PLEKHG1: variants seen among roughly 807,000 people sequenced by gnomAD.
PLEKHG1 encodes pleckstrin homology and RhoGEF domain containing G1.
A neutral mutation model predicts 100.8 loss-of-function variants in PLEKHG1; 44 were observed. The ratio of observed to expected loss-of-function variants is 0.44; its 90% confidence interval spans 0.34 to 0.56. The LOEUF is 0.56. Ranked by LOEUF, PLEKHG1 falls within the 20% of genes least tolerant of loss-of-function variation. PLEKHG1 has a pLI of 0.01. For missense variants in PLEKHG1, 1,545 were observed against 1,720.9 expected (o/e 0.90, Z 1.81); for synonymous variants, 640 against 662.5 (o/e 0.97, Z 0.52).
chr6:150,804,167 A>AT, intron 6 of PLEKHG1, among the ~76,000 whole-genome samples: 1 of 36,744 alleles, frequency 2.7e-5, no homozygotes, highest in African/African-American at 7.7e-5. Context: ...ATATATATAT[A>AT]TATATATATT....
chr6:150,671,088 C>CATATATATATATATATATATATATAT (rs10566696), intron 3 of PLEKHG1, among the ~76,000 whole-genome samples: 12 of 147,422 alleles, frequency 8.1e-5, no homozygotes, highest in African/African-American at 2.7e-4. Flanking sequence ...AGTATTCCAT[C>CATATATATATATATATATATATATAT]ATATATATAT....
chr6:150,791,690 A>T (rs1403920383), intron 4 of PLEKHG1, among the ~76,000 whole-genome samples: 1 of 151,722 alleles, frequency 6.6e-6, no homozygotes, highest in African/African-American at 2.4e-5. Flanking sequence ...AAAAAAAAAA[A>T]AAGAGGCTTC....
rs1298907384 is a variant in PLEKHG1 at position 150,737,281 on chromosome 6, A to ATTCCTTTT, written c.411+3191_411+3192insCCTTTTTT. ...CCCAATAAAAGGCTGTCATATGGGTATTTTTTTTTTTTTTTTTTTTTGAGA... is the reference window on the plus strand; with the variant it reads ...CCCAATAAAAGGCTGTCATATGGGTATTCCTTTTTTTTTTTTTTTTTTTTTTTTTGAGA... On this transcript the variant is annotated intron_variant, in intron 2 of 15. Transcript: ENST00000358517. Among the ~76,000 whole-genome samples the ATTCCTTTT allele has an allele frequency of 3.7e-3, 437 of 116,968 alleles. 2 individuals are homozygous for ATTCCTTTT. The highest frequency in any genetic ancestry group is 0.013 in the African/African-American group (411 of 31,410). The allele number at this position is 116,968 out of a possible 152,430, so 76.7% of individuals were successfully genotyped here.
rs116988426 is a variant in PLEKHG1 at position 150,775,696 on chromosome 6, G to A, written c.512+6958G>A. On this transcript the variant is annotated intron_variant, in intron 3 of 15. Coordinates refer to ENST00000358517, the Ensembl canonical transcript of PLEKHG1. ...AGACAAAAGAAATTCTTTGGGCCAC[G>A]CTTTTTCTTCTCCTTGCAATGTAAT... Among the ~76,000 whole-genome samples, 492 of 152,288 alleles carry A rather than the reference G, an allele frequency of 3.2e-3. 1 individual carries two copies. The highest frequency in any genetic ancestry group is 5.1e-3 in the Non-Finnish European group (348 of 68,022).
intron 1 of PLEKHG1, among the ~76,000 whole-genome samples, chr6:150,636,846 C>A (rs1778026272): frequency 6.6e-6 from 1 of 152,192 alleles, no homozygotes; most frequent in Non-Finnish European, 1.5e-5. Context: ...ACAGTCACTG[C>A]TAACAGTTGC....
exon 16 of PLEKHG1, chr6:150,843,165 T>C (rs1777607995): frequency 6.6e-6 from 1 of 152,252 alleles, no homozygotes; most frequent in Admixed American, 6.5e-5. Context: ...TCTGTCTGAC[T>C]CTCAGAAATT....
chr6:150,700,975 A>C (rs9480542), intron 3 of PLEKHG1, among the ~76,000 whole-genome samples: 13,395 of 150,240 alleles, frequency 0.089, 1,752 homozygotes, highest in African/African-American at 0.3. Context: ...GTTATATATT[A>C]AAAATGTTCT....
chr6:150,612,693 C>A (rs538160057), intron 1 of PLEKHG1, among the ~76,000 whole-genome samples: 8 of 152,250 alleles, frequency 5.3e-5, no homozygotes, highest in East Asian at 3.9e-4. Context: ...GGTGAGGGTG[C>A]AATTTAAGGC....
intron 2 of PLEKHG1, among the ~76,000 whole-genome samples, chr6:150,753,771 A>G (rs535490398): frequency 6.6e-6 from 1 of 152,226 alleles, no homozygotes; most frequent in Non-Finnish European, 1.5e-5. Flanking sequence ...TGTCATCTTC[A>G]AGAGGTGGTG....
chr6:150,831,529 T>C lies in PLEKHG1; in HGVS notation c.2418T>C (p.His806=). 6.2e-7 allele frequency: 1 copy of C among 1,614,166 alleles called. No individual in the cohort carries two copies. The highest frequency in any genetic ancestry group is 1.1e-5 in the South Asian group (1 of 91,084). Residue 806 remains histidine (H), a synonymous_variant, in exon 15 of 16, where the codon CAT becomes CAC. Transcript: ENST00000358517. This position sits in a 1 kb window ranked among gnomAD's most constrained non-coding sequence, Gnocchi z 4.1. Reference sequence around the variant, plus strand: ...CTTACCATCAGGCCACTCCCGATCATGGTTATCTGAGTTTGCTGTATGACT... The same window carrying C: ...CTTACCATCAGGCCACTCCCGATCACGGTTATCTGAGTTTGCTGTATGACT...
intron 3 of PLEKHG1, chr6:150,664,450 T>C (rs568222534): frequency 6.6e-6 from 1 of 152,306 alleles, no homozygotes; most frequent in Non-Finnish European, 1.5e-5. Flanking sequence ...AAATGCTGGG[T>C]AAGAAACCAA....
intron 3 of PLEKHG1, among the ~76,000 whole-genome samples, chr6:150,672,026 T>G (rs1232186516): frequency 6.6e-6 from 1 of 151,976 alleles, no homozygotes; most frequent in Non-Finnish European, 1.5e-5. Flanking sequence ...AGTGGGGTGG[T>G]AAAGAGATGA....
intron 1 of PLEKHG1, chr6:150,625,665 T>C (rs1777478934): frequency 6.6e-6 from 1 of 152,106 alleles, no homozygotes; most frequent in Non-Finnish European, 1.5e-5. Flanking sequence ...GCTAATTTTT[T>C]GTATTTTTAG....
chr6:150,797,841 A>C (rs1786442730), intron 5 of PLEKHG1, among the ~76,000 whole-genome samples: 2 of 63,028 alleles, frequency 3.2e-5, no homozygotes, highest in East Asian at 1.3e-3. Flanking sequence ...TCTCAAAAAA[A>C]AAAAAAAAAA....
In PLEKHG1 at chr6:150,818,465, T is replaced by C. The variant is rs1776112998; in HGVS notation, c.1312+249T>C. The stretch of plus-strand genomic sequence containing the variant: ...TTGGGGTTTCTGCATCAACTAACAA[T>C]GTCAGTTATGTCTCCAGGGTCAACT... On this transcript the variant is annotated intron_variant, in intron 11 of 15. Coordinates refer to ENST00000358517, the Ensembl canonical transcript of PLEKHG1. Among the ~76,000 whole-genome samples, 3 of 152,314 alleles carry C rather than the reference T, an allele frequency of 2.0e-5. No individual in the cohort carries two copies. In the South Asian group the frequency reaches 6.2e-4, roughly 32 times the overall value.
chr6:150,804,639 A>C, exon 7 of PLEKHG1: 1 of 1,611,818 alleles, frequency 6.2e-7, no homozygotes, highest in Non-Finnish European at 8.5e-7. Context: ...ATAAGGACAC[A>C]GAAGGCTATG....
rs902203040 is a variant in PLEKHG1 at position 150,600,385 on chromosome 6, G to A, written c.-204+368G>A. Among the ~76,000 whole-genome samples, 1 of 152,120 alleles carries A rather than the reference G, an allele frequency of 6.6e-6. No individual in the cohort carries two copies. Among genetic ancestry groups the A allele is most frequent in the African/African-American group, 2.4e-5 (1 of 41,444 alleles). On this transcript the variant is annotated intron_variant, in intron 1 of 3. Coordinates refer to the PLEKHG1 transcript ENST00000367326. The surrounding 1 kb of genome is among the most constrained non-coding windows in gnomAD (Gnocchi z 6.2). ...AGCGGCTGCAACATCAGCGCGCAGA[G>A]GAGTTTCTGCGAGCACCCGGGAGTT...
At chr6:150,817,321 A>T (rs1583189219) in intron 10 of PLEKHG1, among the ~76,000 whole-genome samples, 1 of 152,268 alleles carries the variant, frequency 6.6e-6, no homozygotes, top group East Asian at 1.9e-4. Context: ...GGGCACACAG[A>T]AGAGATGGGA....
At chr6:150,708,724 AT>A (rs1171206078) in intron 3 of PLEKHG1, among the ~76,000 whole-genome samples, 2 of 152,134 alleles carry the variant, frequency 1.3e-5, no homozygotes, top group Non-Finnish European at 2.9e-5. Flanking sequence ...TAGGAGCATA[AT>A]TTTTGCAGGT....
Sources: allele counts gnomAD v4.1 joint callset (sites outside exome capture counted in the v4.1 genomes callset), GRCh38; gene constraint gnomAD v4.1.1; non-coding constraint Gnocchi (gnomAD v3.1); transcripts MANE v1.5; gene names NCBI Gene and HGNC (gene_info 2026-07-23, HGNC 2026-07-21).